The following SHTN1 variants were observed in gnomAD, a reference collection of about 807,000 sequenced individuals.
SHTN1 encodes shootin 1.
SHTN1 carries 42 observed loss-of-function variants against 83.1 expected under a neutral mutation model. The observed-to-expected ratio is 0.51, with a 90% CI of 0.39 to 0.65. SHTN1 has a LOEUF of 0.65. Among genes scored for constraint, SHTN1 ranks in the 30% least tolerant of loss-of-function variants. SHTN1 has a pLI of 0.00. For synonymous variants in SHTN1, 224 were observed against 247.7 expected (o/e 0.90, Z 0.90); for missense variants, 622 against 737.8 (o/e 0.84, Z 1.82).
intron 1 of SHTN1, among the ~76,000 whole-genome samples, chr10:117,056,815 A>AAAAC (rs1388796373): frequency 2.0e-5 from 3 of 152,234 alleles, no homozygotes. Context: ...CTTCTGCCTC[A>AAAAC]AAACAAACAA....
chr10:116,974,584 G>A (rs1589859121), intron 2 of SHTN1, among the ~76,000 whole-genome samples: 2 of 152,118 alleles, frequency 1.3e-5, no homozygotes, highest in East Asian at 3.8e-4. Context: ...CAAGCTGACA[G>A]AACCGCCTGA....
intron 2 of SHTN1, among the ~76,000 whole-genome samples, chr10:117,014,427 T>C (rs1336087855): frequency 6.6e-6 from 1 of 152,170 alleles, no homozygotes; most frequent in Non-Finnish European, 1.5e-5. Flanking sequence ...GGATCTGACT[T>C]AAGAAACTTT....
chr10:117,018,747 T>C (rs937320677), intron 2 of SHTN1, among the ~76,000 whole-genome samples: 3 of 151,862 alleles, frequency 2.0e-5, no homozygotes, highest in African/African-American at 7.3e-5. Flanking sequence ...AATTTTGTAT[T>C]TTTTCAGTAG....
At chr10:117,116,132 G>T (rs535851846) in intron 1 of SHTN1, among the ~76,000 whole-genome samples, 3 of 151,770 alleles carry the variant, frequency 2.0e-5, no homozygotes, top group African/African-American at 7.2e-5. Flanking sequence ...TGAAAAGTTG[G>T]TTTTTTGAAA....
chr10:116,917,016 C>T (rs1269326070), intron 12 of SHTN1, among the ~76,000 whole-genome samples: 6 of 152,180 alleles, frequency 3.9e-5, no homozygotes, highest in Non-Finnish European at 7.4e-5. Flanking sequence ...TGAAAGATGA[C>T]TAAACTGTGG....
At chr10:116,901,076 G>C in intron 16 of SHTN1, 1 of 985,372 alleles carries the variant, frequency 1.0e-6, no homozygotes, top group Non-Finnish European at 1.2e-6. Context: ...GATCTGATTT[G>C]TCTCACCTCT....
rs1325773082 is a variant in SHTN1, at chr10:116,904,528, C to T, written c.1480+2099G>A. On this transcript the variant is annotated intron_variant, in intron 15 of 16. Coordinates refer to ENST00000355371, the MANE Select transcript of SHTN1 (RefSeq NM_001127211.3). The stretch of plus-strand genomic sequence containing the variant: ...CACTCCCTTAGTGTGTGTTTGCTCT[C>T]TACCTCACCAATGAGTTCTCATTTT... Among the ~76,000 whole-genome samples, 3 of 151,754 alleles carry T rather than the reference C, an allele frequency of 2.0e-5. No homozygotes were observed. The East Asian group carries it at 5.8e-4, about 29-fold the overall frequency.
At chr10:117,069,715 C>T (rs1853053677) in intron 1 of SHTN1, among the ~76,000 whole-genome samples, 1 of 152,262 alleles carries the variant, frequency 6.6e-6, no homozygotes, top group East Asian at 1.9e-4. Flanking sequence ...TTTATCTTCA[C>T]TAGTGTAGAG....
chr10:116,987,161 C>T (rs897859226), intron 1 of SHTN1, among the ~76,000 whole-genome samples: 28 of 152,236 alleles, frequency 1.8e-4, no homozygotes, highest in Middle Eastern at 3.4e-3. Flanking sequence ...AAATACCCAA[C>T]GCCAGCCCCC....
chr10:117,036,440 G>A (rs1440660691), intron 2 of SHTN1, among the ~76,000 whole-genome samples: 1 of 152,174 alleles, frequency 6.6e-6, no homozygotes, highest in Non-Finnish European at 1.5e-5. Context: ...ATACACAATG[G>A]AGTACTATTC....
At chr10:117,106,717 A>G (rs1254448403) in intron 1 of SHTN1, among the ~76,000 whole-genome samples, 1 of 152,094 alleles carries the variant, frequency 6.6e-6, no homozygotes, top group Non-Finnish European at 1.5e-5. Flanking sequence ...CCTCACTTCT[A>G]CTATTTCTTT....
chr10:117,032,854 T>C (rs1589904141), intron 2 of SHTN1, among the ~76,000 whole-genome samples: 1 of 151,960 alleles, frequency 6.6e-6, no homozygotes, highest in East Asian at 1.9e-4. Flanking sequence ...CTGACCACAA[T>C]GGAATAAAAC....
At chr10:116,938,198 GCTC>G (rs1370378147) in intron 9 of SHTN1, among the ~76,000 whole-genome samples, 1 of 151,924 alleles carries the variant, frequency 6.6e-6, no homozygotes, top group Non-Finnish European at 1.5e-5. Flanking sequence ...GTCCAGTTTT[GCTC>G]CCTTGCTGGC....
At chr10:116,935,425 T>C (rs1007713039) in intron 9 of SHTN1, among the ~76,000 whole-genome samples, 1 of 152,216 alleles carries the variant, frequency 6.6e-6, no homozygotes, top group African/African-American at 2.4e-5. Context: ...GAGATAATCA[T>C]GTGGTTTTTG....
At chr10:117,086,295 T>C (rs79319384) in intron 1 of SHTN1, among the ~76,000 whole-genome samples, 3,602 of 152,356 alleles carry the variant, frequency 0.024, 129 homozygotes, top group East Asian at 0.12. Flanking sequence ...CAGCATTATC[T>C]TTCTCCATCA....
At chr10:116,920,142 C>A (rs1453304594) in intron 12 of SHTN1, among the ~76,000 whole-genome samples, 3 of 152,082 alleles carry the variant, frequency 2.0e-5, no homozygotes, top group Admixed American at 6.5e-5. Context: ...TGGTAATGAG[C>A]TACTCATTAC....
intron 16 of SHTN1, among the ~76,000 whole-genome samples, chr10:116,898,110 C>A (rs981841563): frequency 1.3e-5 from 2 of 152,018 alleles, no homozygotes; most frequent in Admixed American, 6.6e-5. Flanking sequence ...GGTGGATCAC[C>A]TGAGGTCAGG....
At chr10:116,932,344 T>C (rs1036712457) in intron 9 of SHTN1, among the ~76,000 whole-genome samples, 1 of 152,182 alleles carries the variant, frequency 6.6e-6, no homozygotes, top group Non-Finnish European at 1.5e-5. Context: ...GGCAACAGAC[T>C]GTCACAGAAC....
chr10:117,120,685 A>AC (rs1260990171), intron 1 of SHTN1, among the ~76,000 whole-genome samples: 2 of 152,216 alleles, frequency 1.3e-5, no homozygotes, highest in African/African-American at 4.8e-5. Context: ...GGTAGAAGAA[A>AC]CAGAACCTAG....
Sources: gnomAD v4.1 joint callset for allele counts (sites outside exome capture counted in the v4.1 genomes callset) on GRCh38, gnomAD v4.1.1 for gene constraint, MANE v1.5 for transcripts, NCBI Gene and HGNC (gene_info 2026-07-23, HGNC 2026-07-21) for gene names.